PTPRD: variants seen among roughly 807,000 people sequenced by gnomAD.
PTPRD encodes protein tyrosine phosphatase receptor type D.
In PTPRD, 34 loss-of-function variants were observed where a neutral mutation model predicts 214.5. The observed-to-expected ratio is 0.16, with a 90% confidence interval of 0.12 to 0.21. PTPRD has a LOEUF of 0.21. Among genes scored for constraint, PTPRD ranks in the 10% least tolerant of loss-of-function variants. The pLI, the probability that PTPRD is intolerant of heterozygous loss-of-function variation, is 1.00. For missense variants in PTPRD, 2,545 were observed against 2,398.7 expected (o/e 1.06, Z -1.27); for synonymous variants, 1,128 against 845.7 (o/e 1.33, Z -5.79).
At chr9:9,829,355 A>T (rs1206088799) in intron 5 of PTPRD, among the ~76,000 whole-genome samples, 1 of 151,876 alleles carries the variant, frequency 6.6e-6, no homozygotes, top group Non-Finnish European at 1.5e-5. Flanking sequence ...AAACAAGTCC[A>T]TATTTATTCA....
At chr9:9,770,194 A>G (rs2098740871) in intron 5 of PTPRD, among the ~76,000 whole-genome samples, 1 of 152,238 alleles carries the variant, frequency 6.6e-6, no homozygotes, top group South Asian at 2.1e-4. Flanking sequence ...ACTGTCTTCC[A>G]CAATGGTTGA....
intron 5 of PTPRD, among the ~76,000 whole-genome samples, chr9:9,898,581 G>A (rs573270048): frequency 4.6e-5 from 7 of 152,066 alleles, no homozygotes; most frequent in Non-Finnish European, 7.4e-5. Flanking sequence ...ATCCTTAGAG[G>A]TTAGAGACAG....
intron 27 of PTPRD, 120 bp downstream of exon 27, chr9:8,492,742 T>A: frequency 1.6e-6 from 1 of 612,056 alleles, no homozygotes; most frequent in Non-Finnish European, 2.6e-6. Context: ...ACACAAAAGT[T>A]GACCATAGTC....
At chr9:9,880,014 C>G (rs1248206870) in intron 5 of PTPRD, among the ~76,000 whole-genome samples, 5 of 152,128 alleles carry the variant, frequency 3.3e-5, no homozygotes. Flanking sequence ...CCACCCAAAT[C>G]TCATCTCTAA....
At chr9:8,807,263 G>T (rs1481274396) in intron 11 of PTPRD, among the ~76,000 whole-genome samples, 1 of 152,036 alleles carries the variant, frequency 6.6e-6, no homozygotes, top group African/African-American at 2.4e-5. Flanking sequence ...CTTGAACCCG[G>T]GAGGCAGAGG....
chr9:8,705,244 G>C (rs1257216952), intron 12 of PTPRD, among the ~76,000 whole-genome samples: 1 of 152,050 alleles, frequency 6.6e-6, no homozygotes, highest in Non-Finnish European at 1.5e-5. Flanking sequence ...TGTTTTTTGA[G>C]ATGGTCTCAC....
chr9:9,472,404 C>T (rs1034865298), intron 8 of PTPRD, among the ~76,000 whole-genome samples: 1 of 151,690 alleles, frequency 6.6e-6, no homozygotes, highest in East Asian at 1.9e-4. Flanking sequence ...GGGGTTTCAC[C>T]TTGTTAGCCA....
intron 2 of PTPRD, among the ~76,000 whole-genome samples, chr9:10,446,936 G>A (rs749252943): frequency 1.3e-5 from 2 of 152,112 alleles, no homozygotes; most frequent in African/African-American, 2.4e-5. Flanking sequence ...GCAAGGACAC[G>A]TTTACAGAAC....
chr9:9,090,724 C>A (rs971298942), intron 10 of PTPRD, among the ~76,000 whole-genome samples: 1 of 152,156 alleles, frequency 6.6e-6, no homozygotes, highest in African/African-American at 2.4e-5. Context: ...GACTCTTGAA[C>A]AAAGACAATG....
intron 36 of PTPRD, among the ~76,000 whole-genome samples, chr9:8,391,677 C>T (rs551731732): frequency 6.6e-6 from 1 of 152,152 alleles, no homozygotes; most frequent in African/African-American, 2.4e-5. Flanking sequence ...CCTCACTCAG[C>T]TGCCAATATA....
chr9:8,931,513 C>G (rs2098952362), intron 11 of PTPRD, among the ~76,000 whole-genome samples: 2 of 152,144 alleles, frequency 1.3e-5, no homozygotes, highest in East Asian at 3.9e-4. Flanking sequence ...TCATTAGTAG[C>G]TTGATGGGGA....
At chr9:9,182,504 T>C (rs150175056) in intron 10 of PTPRD, among the ~76,000 whole-genome samples, 6 of 152,126 alleles carry the variant, frequency 3.9e-5, no homozygotes, top group Admixed American at 2.0e-4. Context: ...TACGAGATAA[T>C]AGTCTCTGAA....
intron 14 of PTPRD, among the ~76,000 whole-genome samples, chr9:8,597,618 A>C (rs1345115423): frequency 6.6e-6 from 1 of 152,250 alleles, no homozygotes; most frequent in East Asian, 1.9e-4. Context: ...ACTACATTTC[A>C]GATTTCTGAA....
chr9:9,287,014 C>G lies in PTPRD; in HGVS notation c.-202-103651G>C, dbSNP rs138731650. On this transcript the variant is annotated intron_variant, in intron 9 of 45. Transcript: ENST00000381196. Reference sequence around the variant, plus strand: ...CTGAGGCGGGCAGATCACTTGAGGTCAGGAGTTCAAGACAAGCCTGGCCAA... The same window carrying G: ...CTGAGGCGGGCAGATCACTTGAGGTGAGGAGTTCAAGACAAGCCTGGCCAA... Among the ~76,000 whole-genome samples, 385 of 146,654 alleles carry G rather than the reference C, an allele frequency of 2.6e-3. 4 individuals are homozygous for G. The highest frequency in any genetic ancestry group is 8.9e-3 in the African/African-American group (356 of 40,052).
At chr9:10,017,898 A>G (rs922221171) in intron 4 of PTPRD, among the ~76,000 whole-genome samples, 3 of 152,148 alleles carry the variant, frequency 2.0e-5, no homozygotes, top group African/African-American at 7.2e-5. Context: ...ACATTTGAAT[A>G]CCCTCACTTA....
chr9:10,591,210 T>C (rs946666282), intron 2 of PTPRD, among the ~76,000 whole-genome samples: 1 of 151,976 alleles, frequency 6.6e-6, no homozygotes, highest in Non-Finnish European at 1.5e-5. Flanking sequence ...TTTCTTTCTA[T>C]TGCTTGTGCT....
intron 10 of PTPRD, among the ~76,000 whole-genome samples, chr9:9,037,782 G>C (rs900277130): frequency 4.6e-5 from 7 of 152,230 alleles, no homozygotes; most frequent in South Asian, 2.1e-4. Flanking sequence ...AGTGGAAAAA[G>C]TAGGCTTTTC....
chr9:9,304,117 T>A (rs1253596440), intron 9 of PTPRD, among the ~76,000 whole-genome samples: 1 of 152,198 alleles, frequency 6.6e-6, no homozygotes, highest in Admixed American at 6.6e-5. Flanking sequence ...TATCTCCCAT[T>A]TTCCAGGCAC....
At chr9:10,045,574 T>C (rs1338232276) in intron 3 of PTPRD, among the ~76,000 whole-genome samples, 1 of 151,726 alleles carries the variant, frequency 6.6e-6, no homozygotes, top group Non-Finnish European at 1.5e-5. Context: ...AGCTATCATT[T>C]TGAGAATAAT....
Sources: gnomAD v4.1 joint callset for allele counts (sites outside exome capture counted in the v4.1 genomes callset) on GRCh38, gnomAD v4.1.1 for gene constraint, MANE v1.5 for transcripts, NCBI Gene and HGNC (gene_info 2026-07-23, HGNC 2026-07-21) for gene names.